Variants in PIWIL2 observed in about 807,000 individuals in gnomAD.
PIWIL2 encodes piwi like RNA-mediated gene silencing 2.
PIWIL2 carries 81 observed loss-of-function variants against 116.5 expected under a neutral mutation model. The observed-to-expected ratio is 0.70, with a 90% CI of 0.58 to 0.84. The LOEUF is 0.84. Among genes scored for constraint, PIWIL2 ranks in the 40% least tolerant of loss-of-function variants. The pLI is 0.00. For synonymous variants in PIWIL2, 489 were observed against 429.5 expected (o/e 1.14, Z -1.71); for missense variants, 1,272 against 1,212.3 (o/e 1.05, Z -0.73).
chr8:22,333,670 C>T (rs1469500015), intron 20 of PIWIL2, among the ~76,000 whole-genome samples: 17 of 151,954 alleles, frequency 1.1e-4, no homozygotes, highest in Admixed American at 1.1e-3. Context: ...AGAACACGAA[C>T]ATCTATAGAA....
intron 20 of PIWIL2, among the ~76,000 whole-genome samples, chr8:22,324,713 A>G (rs915394480): frequency 1.3e-5 from 2 of 152,254 alleles, no homozygotes; most frequent in East Asian, 3.8e-4. Context: ...TTGTTTGGAA[A>G]TAAAGTCTTT....
chr8:22,352,258 TGAAGTTGA>T (rs1463798227), intron 20 of PIWIL2, among the ~76,000 whole-genome samples: 2 of 152,250 alleles, frequency 1.3e-5, no homozygotes, highest in African/African-American at 4.8e-5. Context: ...CTTGAATTAT[TGAAGTTGA>T]ACACAACTAG....
Position 22,281,101 on chromosome 8 carries a change from A to C in PIWIL2, c.199-19A>C, listed in dbSNP as rs1003260296. The stretch of plus-strand genomic sequence containing the variant: ...GTTTTAAACTACCTCTTAGAACTTT[A>C]TTCTTTGACTTTCCACAGGAGTCTG... On this transcript the variant is annotated intron_variant, in intron 2 of 22. Transcript: ENST00000356766. 1 of 1,556,730 alleles carries C rather than the reference A, an allele frequency of 6.4e-7. No homozygotes were observed. The highest frequency in any genetic ancestry group is 8.8e-7 in the Non-Finnish European group (1 of 1,140,700).
At chr8:22,342,378 A>C (rs1396993169) in intron 20 of PIWIL2, among the ~76,000 whole-genome samples, 1 of 152,246 alleles carries the variant, frequency 6.6e-6, no homozygotes, top group East Asian at 1.9e-4. Context: ...TCAAAGACTT[A>C]CTGTAAAAAC....
At chr8:22,279,937 A>G (rs555454483) in intron 2 of PIWIL2, among the ~76,000 whole-genome samples, 8 of 152,376 alleles carry the variant, frequency 5.3e-5, no homozygotes, top group African/African-American at 9.6e-5. Flanking sequence ...AGCCTGGGCA[A>G]CAGAGCGAGA....
intron 16 of PIWIL2, among the ~76,000 whole-genome samples, chr8:22,313,655 T>C (rs183230430): frequency 5.4e-4 from 83 of 152,340 alleles, no homozygotes; most frequent in Non-Finnish European, 3.1e-4. Flanking sequence ...TGTAGCAGTT[T>C]CTGGCTTAAA....
chr8:22,295,154 T>C (rs1271139514), intron 10 of PIWIL2, among the ~76,000 whole-genome samples: 7 of 152,100 alleles, frequency 4.6e-5, no homozygotes, highest in Admixed American at 3.3e-4. Flanking sequence ...CATTCCTTTC[T>C]TTCCTTCCTT....
intron 20 of PIWIL2, among the ~76,000 whole-genome samples, chr8:22,333,686 A>G (rs1235761091): frequency 1.3e-5 from 2 of 151,912 alleles, no homozygotes; most frequent in Non-Finnish European, 2.9e-5. Context: ...TAGAAACCAG[A>G]AGGTTAGTGG....
At chr8:22,299,826 G>A (rs1406264118) in intron 10 of PIWIL2, among the ~76,000 whole-genome samples, 2 of 152,106 alleles carry the variant, frequency 1.3e-5, no homozygotes, top group African/African-American at 4.8e-5. Context: ...TGCACGCCAT[G>A]GGCAGCAAAT....
intron 20 of PIWIL2, among the ~76,000 whole-genome samples, chr8:22,339,630 C>T (rs777286125): frequency 6.6e-6 from 1 of 152,200 alleles, no homozygotes; most frequent in East Asian, 1.9e-4. Context: ...AAGAAAAAAT[C>T]GATTTGATGA....
At chr8:22,342,723 A>G (rs1046213132) in intron 20 of PIWIL2, among the ~76,000 whole-genome samples, 1 of 152,218 alleles carries the variant, frequency 6.6e-6, no homozygotes, top group Admixed American at 6.5e-5. Context: ...TTTAGATATG[A>G]TGCCAAAAGC....
chr8:22,341,322 G>A (rs991546037), intron 20 of PIWIL2, among the ~76,000 whole-genome samples: 17 of 151,672 alleles, frequency 1.1e-4, no homozygotes, highest in Non-Finnish European at 1.5e-4. Context: ...AAGTCCAGGC[G>A]CGGTGGCTCA....
intron 19 of PIWIL2, among the ~76,000 whole-genome samples, chr8:22,317,939 G>A (rs919114454): frequency 2.0e-5 from 3 of 151,636 alleles, no homozygotes; most frequent in African/African-American, 7.3e-5. Context: ...GAGATTACAG[G>A]CATGAGCCAC....
At chr8:22,285,724 C>T (rs992294691) in intron 6 of PIWIL2, among the ~76,000 whole-genome samples, 3 of 152,090 alleles carry the variant, frequency 2.0e-5, no homozygotes, top group Admixed American at 6.6e-5. Context: ...TCACTGCAAC[C>T]TCTGCCTCCA....
rs559703542 is a variant in PIWIL2 at position 22,292,467 on chromosome 8, C to T, written c.1181+2121C>T. 9.2e-5 allele frequency among the ~76,000 whole-genome samples: 14 copies of T among 152,324 alleles called. No individual in the cohort carries two copies. In the South Asian group the frequency reaches 2.9e-3, roughly 32 times the overall value. On this transcript the variant is annotated intron_variant, in intron 10 of 22. Transcript: ENST00000356766. ...GGCACTTAAGTGGATTTCCTGAGTG[C>T]ATGTGGGATAAGAGAAAGAGAAGCT...
At chr8:22,349,051 C>CTTTTTTTTT (rs35385064) in intron 20 of PIWIL2, among the ~76,000 whole-genome samples, 1 of 136,796 alleles carries the variant, frequency 7.3e-6, no homozygotes, top group Non-Finnish European at 1.6e-5. Context: ...TTTCTTTTTT[C>CTTTTTTTTT]TTTTTTTTTT....
intron 7 of PIWIL2, among the ~76,000 whole-genome samples, chr8:22,287,962 A>G (rs905518888): frequency 1.3e-5 from 2 of 152,190 alleles, no homozygotes; most frequent in African/African-American, 4.8e-5. Context: ...CATGAGAGGA[A>G]TGGTTGGAAG....
intron 20 of PIWIL2, among the ~76,000 whole-genome samples, chr8:22,340,007 C>T (rs1422611939): frequency 1.4e-5 from 2 of 146,126 alleles, no homozygotes; most frequent in African/African-American, 5.0e-5. Context: ...AAATCTTCAA[C>T]AAAACATTAG....
intron 4 of PIWIL2, among the ~76,000 whole-genome samples, chr8:22,282,074 CTTTTTT>C (rs397963368): frequency 6.1e-4 from 54 of 88,810 alleles, no homozygotes; most frequent in Admixed American, 1.5e-3. Context: ...TGTGCGTGGA[CTTTTTT>C]TTTTTTTTTT....
Sources: gnomAD v4.1 joint callset for allele counts (sites outside exome capture counted in the v4.1 genomes callset) on GRCh38, gnomAD v4.1.1 for gene constraint, MANE v1.5 for transcripts, NCBI Gene and HGNC (gene_info 2026-07-23, HGNC 2026-07-21) for gene names.